Variants in VOPP1 observed in about 807,000 individuals in gnomAD.
The protein encoded by VOPP1 is WW domain binding protein VOPP1.
A neutral mutation model predicts 23.5 loss-of-function variants in VOPP1; 8 were observed. The observed-to-expected ratio is 0.34, with a 90% CI of 0.20 to 0.61. VOPP1 has a LOEUF of 0.61. Among genes scored for constraint, VOPP1 ranks in the 20% least tolerant of loss-of-function variants. The pLI, the probability that VOPP1 is intolerant of heterozygous loss-of-function variation, is 0.78. For missense variants in VOPP1, 174 were observed against 238.1 expected (o/e 0.73, Z 1.77); for synonymous variants, 83 against 97.3 (o/e 0.85, Z 0.86).
intron 4 of VOPP1, among the ~76,000 whole-genome samples, chr7:55,462,056 G>A (rs1791513658): frequency 1.3e-5 from 2 of 152,144 alleles, no homozygotes; most frequent in Admixed American, 6.5e-5. Flanking sequence ...TTTTTGCTTG[G>A]CTGGGAAAGA....
chr7:55,503,343 G>A (rs1794495576), intron 2 of VOPP1, among the ~76,000 whole-genome samples: 1 of 152,178 alleles, frequency 6.6e-6, no homozygotes, highest in Admixed American at 6.5e-5. Context: ...TGGAGCCTAA[G>A]AAGGAAGCAT....
intron 1 of VOPP1, among the ~76,000 whole-genome samples, chr7:55,530,203 T>C (rs114538602): frequency 1.1e-3 from 162 of 152,150 alleles, no homozygotes; most frequent in African/African-American, 3.5e-3. Flanking sequence ...CTACTTTACA[T>C]TCCCATCAAC....
At chr7:55,502,014 G>A (rs1329051247) in intron 2 of VOPP1, among the ~76,000 whole-genome samples, 1 of 152,212 alleles carries the variant, frequency 6.6e-6, no homozygotes, top group Non-Finnish European at 1.5e-5. Flanking sequence ...ATATAAAAGA[G>A]GAAAGCAGGT....
intron 1 of VOPP1, among the ~76,000 whole-genome samples, chr7:55,525,208 C>A (rs956878279): frequency 1.1e-4 from 17 of 152,038 alleles, no homozygotes. Flanking sequence ...TACAGACTCT[C>A]GGCCGGGCGC....
At chr7:55,465,678 G>A (rs1791614187), downstream of VOPP1, among the ~76,000 whole-genome samples, 1 of 152,170 alleles carries the variant, frequency 6.6e-6, no homozygotes. Context: ...TAAACAATAG[G>A]TAGTATAATC....
At chr7:55,460,526 G>A (rs1791473206) in intron 4 of VOPP1, among the ~76,000 whole-genome samples, 1 of 152,138 alleles carries the variant, frequency 6.6e-6, no homozygotes. Context: ...TTATTGTATT[G>A]AAGTCTATCT....
chr7:55,503,732 C>T (rs1406903249), intron 2 of VOPP1, among the ~76,000 whole-genome samples: 1 of 152,196 alleles, frequency 6.6e-6, no homozygotes, highest in African/African-American at 2.4e-5. Context: ...TTGCTGCTTG[C>T]TCCACTCCCC....
chr7:55,487,656 A>G (rs138923227), intron 4 of VOPP1, among the ~76,000 whole-genome samples: 149 of 152,252 alleles, frequency 9.8e-4, no homozygotes, highest in African/African-American at 3.5e-3. Flanking sequence ...AACACTATCC[A>G]ATGCTCTCTT....
At chr7:55,549,788 TAC>T (rs1234479619) in intron 1 of VOPP1, among the ~76,000 whole-genome samples, 1 of 152,172 alleles carries the variant, frequency 6.6e-6, no homozygotes, top group East Asian at 1.9e-4. Flanking sequence ...CTTCTTTCCA[TAC>T]AAGAGAGTAT....
intron 4 of VOPP1, among the ~76,000 whole-genome samples, chr7:55,463,938 G>A (rs1472475336): frequency 6.6e-6 from 1 of 152,234 alleles, no homozygotes; most frequent in Non-Finnish European, 1.5e-5. Flanking sequence ...CAGACCAGCA[G>A]AGGCATGTGC....
At chr7:55,504,448 G>T (rs12718970) in intron 2 of VOPP1, among the ~76,000 whole-genome samples, 39,908 of 152,204 alleles carry the variant, frequency 0.26, 6,657 homozygotes, top group Non-Finnish European at 0.38. Flanking sequence ...GAGCCTCTGG[G>T]GGAGCAGAGG....
chr7:55,548,665 T>C (rs997880362), intron 1 of VOPP1, among the ~76,000 whole-genome samples: 5 of 152,264 alleles, frequency 3.3e-5, no homozygotes, highest in African/African-American at 1.2e-4. Flanking sequence ...CTCTCTTTCA[T>C]GCACACTTTC....
intron 1 of VOPP1, among the ~76,000 whole-genome samples, chr7:55,552,298 C>T (rs1428658224): frequency 6.6e-6 from 1 of 152,042 alleles, no homozygotes; most frequent in Non-Finnish European, 1.5e-5. Flanking sequence ...GATTTTAAAA[C>T]CTCCGTACAA....
At chr7:55,516,916 ATATATATATATATATATTTTTTTTTTTT>A (rs1490820500) in intron 2 of VOPP1, among the ~76,000 whole-genome samples, 1 of 30,812 alleles carries the variant, frequency 3.2e-5, no homozygotes, top group African/African-American at 1.7e-4. Context: ...ATATATATAT[ATATATATATATATATATTTTTTTTTTTT>A]TTTTTTTTTT....
At chr7:55,509,609 T>C (rs1302803374) in intron 2 of VOPP1, among the ~76,000 whole-genome samples, 1 of 152,244 alleles carries the variant, frequency 6.6e-6, no homozygotes, top group African/African-American at 2.4e-5. Flanking sequence ...TTAGCTGTTA[T>C]AAGCAAATGC....
chr7:55,544,385 TG>T (rs1797273587), intron 1 of VOPP1, among the ~76,000 whole-genome samples: 1 of 151,992 alleles, frequency 6.6e-6, no homozygotes, highest in Non-Finnish European at 1.5e-5. Flanking sequence ...GTAGGGCTGG[TG>T]GGGGAAGGAG....
intron 1 of VOPP1, among the ~76,000 whole-genome samples, chr7:55,554,564 A>G (rs1011505725): frequency 6.6e-6 from 1 of 152,178 alleles, no homozygotes; most frequent in Non-Finnish European, 1.5e-5. Flanking sequence ...TTTGAGTAAA[A>G]AATTGCAGAA....
At chr7:55,503,139 C>A (rs1255026939) in intron 2 of VOPP1, among the ~76,000 whole-genome samples, 1 of 152,154 alleles carries the variant, frequency 6.6e-6, no homozygotes, top group Non-Finnish European at 1.5e-5. Context: ...CCACTCTGAG[C>A]AGCTGCTGAC....
chr7:55,485,548 C>T (rs1793070624), intron 4 of VOPP1, among the ~76,000 whole-genome samples: 1 of 152,206 alleles, frequency 6.6e-6, no homozygotes, highest in Non-Finnish European at 1.5e-5. Flanking sequence ...GCAGCACCCA[C>T]GTTTTTCTAT....
Sources: gnomAD v4.1 joint callset for allele counts (sites outside exome capture counted in the v4.1 genomes callset) on GRCh38, gnomAD v4.1.1 for gene constraint, MANE v1.5 for transcripts, NCBI Gene and HGNC (gene_info 2026-07-23, HGNC 2026-07-21) for gene names.